KDM5A: variants seen among roughly 807,000 people sequenced by gnomAD.
The protein encoded by KDM5A is lysine-specific demethylase 5A.
A neutral mutation model predicts 193.5 loss-of-function variants in KDM5A; 42 were observed. The ratio of observed to expected loss-of-function variants is 0.22; its 90% CI spans 0.17 to 0.28. KDM5A has a LOEUF of 0.28. Among genes scored for constraint, KDM5A ranks in the 10% least tolerant of loss-of-function variants. The pLI, the probability that KDM5A is intolerant of heterozygous loss-of-function variation, is 1.00. For synonymous variants in KDM5A, 796 were observed against 718.1 expected (o/e 1.11, Z -1.73); for missense variants, 1,692 against 2,055.1 (o/e 0.82, Z 3.42).
intron 10 of KDM5A, among the ~76,000 whole-genome samples, chr12:349,251 T>G (rs370537174): frequency 1.3e-5 from 2 of 151,778 alleles, no homozygotes; most frequent in African/African-American, 2.4e-5. Context: ...AAATCCTGAC[T>G]TCAGGTGATC....
chr12:305,756 C>A (rs766549950), intron 24 of KDM5A, among the ~76,000 whole-genome samples: 1 of 152,312 alleles, frequency 6.6e-6, no homozygotes, highest in South Asian at 2.1e-4. Flanking sequence ...GGATCCAACA[C>A]AAAACAAACT....
In KDM5A at chr12:307,214, T is replaced by G. The variant is rs1943518670; in HGVS notation, c.3931-125A>C. ...GTGGCTAACAGAGTTCTTCAACAGTTAGTAGAAATCAAATTATTTGATTAT... is the reference window on the plus strand; with the variant it reads ...GTGGCTAACAGAGTTCTTCAACAGTGAGTAGAAATCAAATTATTTGATTAT... On this transcript the variant is annotated intron_variant, in intron 23 of 27. Transcript: ENST00000399788. The surrounding 1 kb of genome is among the most constrained non-coding windows in gnomAD (Gnocchi z 4.3). 3 of 1,167,500 alleles carry G rather than the reference T, an allele frequency of 2.6e-6. No homozygotes were observed. Among genetic ancestry groups the G allele is most frequent in the Admixed American group, 1.9e-5 (1 of 52,930 alleles). 72.3% of individuals were successfully genotyped at this position (1,167,500 alleles called of 1,614,324 possible). A position where few individuals can be genotyped will look rare whatever the true frequency, so the allele number is the denominator to read the frequency against.
At chr12:358,430 G>A (rs887261449) in intron 5 of KDM5A, among the ~76,000 whole-genome samples, 23 of 152,000 alleles carry the variant, frequency 1.5e-4, no homozygotes, top group Admixed American at 4.6e-4. Context: ...ACTGTTAGTC[G>A]AACAATAAAT....
intron 21 of KDM5A, 98 bp from the exon 22 acceptor site, chr12:310,062 C>T (rs1479600871): frequency 6.3e-6 from 8 of 1,279,132 alleles, no homozygotes; most frequent in Non-Finnish European, 8.8e-6. Flanking sequence ...CAACCATGTC[C>T]CACGCACTTT....
intron 5 of KDM5A, among the ~76,000 whole-genome samples, chr12:359,957 T>C (rs1437705727): frequency 2.0e-5 from 3 of 151,750 alleles, no homozygotes; most frequent in Non-Finnish European, 2.9e-5. Flanking sequence ...CATGTATACA[T>C]ACACACACCC....
Position 377,035 on chromosome 12 carries a change from A to G in KDM5A, c.366+6996T>C, listed in dbSNP as rs571875939. 4.7e-3 allele frequency among the ~76,000 whole-genome samples: 140 copies of G among 29,968 alleles called. 4 individuals are homozygous for G. The South Asian group carries it at 0.047, about 10-fold the overall frequency. The allele number at this position is 29,968 out of a possible 152,430, so 19.7% of individuals were successfully genotyped here. On this transcript the variant is annotated intron_variant, in intron 3 of 27. Coordinates refer to ENST00000399788, the MANE Select transcript of KDM5A (RefSeq NM_001042603.3). ...CCTTCCTCCCTTTTCTAAAACAAGG[A>G]AAAAAAAAAAGTCTTAAGAAGTAGC...
chr12:310,054 A>G, intron 21 of KDM5A, 90 bp from the exon 22 acceptor site: 3 of 1,339,082 alleles, frequency 2.2e-6, no homozygotes, highest in African/African-American at 1.5e-5. Context: ...TGACTGTTCA[A>G]CCATGTCCCA....
At chr12:294,768 T>C (rs1421822982) in intron 26 of KDM5A, among the ~76,000 whole-genome samples, 1 of 152,156 alleles carries the variant, frequency 6.6e-6, no homozygotes, top group Non-Finnish European at 1.5e-5. Flanking sequence ...AATCCAGATC[T>C]CTTTATTTTT....
chr12:309,832 A>G lies in KDM5A; in HGVS notation c.3349T>C (p.Leu1117=). ...LEPLSDLEEG[L]EETRDTAMVV... ...ATGGCTGTATCTCTGGTTTCCTCCA[A>G]TCCTTCCTCCAGATCACTCAGAGGC... Residue 1117 remains leucine, a synonymous_variant, in exon 22 of 28, where the codon TTG becomes CTG. Coordinates refer to ENST00000399788, the MANE Select transcript of KDM5A (RefSeq NM_001042603.3). The G allele has an allele frequency of 6.2e-7, 1 of 1,614,014 alleles. No individual in the cohort carries two copies. Among genetic ancestry groups the G allele is most frequent in the South Asian group, 1.1e-5 (1 of 91,070 alleles).
intron 3 of KDM5A, among the ~76,000 whole-genome samples, chr12:380,358 T>C (rs182219647): frequency 5.3e-5 from 8 of 152,178 alleles, no homozygotes; most frequent in Admixed American, 5.2e-4. Flanking sequence ...TTTCAATAGA[T>C]TACTACTCAT....
intron 13 of KDM5A, among the ~76,000 whole-genome samples, chr12:331,077 T>A (rs1943860293): frequency 2.7e-5 from 4 of 147,560 alleles, no homozygotes; most frequent in African/African-American, 7.3e-5. Context: ...CTTTTAAAAT[T>A]AAAAAAAGGA....
chr12:341,933 GA>G (rs3216509), intron 10 of KDM5A, among the ~76,000 whole-genome samples: 17 of 150,116 alleles, frequency 1.1e-4, no homozygotes, highest in African/African-American at 3.9e-4. Flanking sequence ...GAAATGGGGG[GA>G]AAAAAAGACA....
At chr12:310,566 G>A (rs1225037250) in intron 21 of KDM5A, among the ~76,000 whole-genome samples, 4 of 152,090 alleles carry the variant, frequency 2.6e-5, no homozygotes, top group African/African-American at 7.2e-5. Flanking sequence ...CCCAGGAGGC[G>A]ACAGCTGCAG....
At chr12:375,662 T>C (rs1245864199) in intron 3 of KDM5A, among the ~76,000 whole-genome samples, 1 of 152,194 alleles carries the variant, frequency 6.6e-6, no homozygotes, top group Non-Finnish European at 1.5e-5. Context: ...TGCTCTGATT[T>C]TTCTAATTTT....
rs748233005 is a variant in KDM5A at position 389,177 on chromosome 12, C to G, written c.-86G>C. On this transcript the variant is annotated 5_prime_UTR_variant, in exon 1 of 28. Coordinates refer to ENST00000399788, the MANE Select transcript of KDM5A (RefSeq NM_001042603.3). The stretch of plus-strand genomic sequence containing the variant: ...AGCCCACTAAGCCCGTTCAAGTCCC[C>G]TGACAGAGGCCGAAGCGCATCTTCG... The G allele has an allele frequency of 7.9e-7, 1 of 1,267,040 alleles. No individual in the cohort carries two copies. Among genetic ancestry groups the G allele is most frequent in the South Asian group, 1.2e-5 (1 of 84,512 alleles). The allele number at this position is 1,267,040 out of a possible 1,614,324, so 78.5% of individuals were successfully genotyped here.
At chr12:366,294 A>G (rs1041729908) in intron 3 of KDM5A, among the ~76,000 whole-genome samples, 190 bp from the exon 4 acceptor site, 3 of 152,248 alleles carry the variant, frequency 2.0e-5, no homozygotes, top group African/African-American at 4.8e-5. Flanking sequence ...TCAGAGGTTT[A>G]AAATGTAATT....
At chr12:324,800 G>C (rs747323754) in intron 14 of KDM5A, among the ~76,000 whole-genome samples, 3 of 152,076 alleles carry the variant, frequency 2.0e-5, no homozygotes, top group Non-Finnish European at 2.9e-5. Context: ...TTGAGCCCGG[G>C]GGGTGAAGGT....
At chr12:376,656 C>G (rs79848173) in intron 3 of KDM5A, among the ~76,000 whole-genome samples, 1 of 152,186 alleles carries the variant, frequency 6.6e-6, no homozygotes, top group African/African-American at 2.4e-5. Flanking sequence ...AGAAATCACC[C>G]GTCTTCTGCG....
intron 8 of KDM5A, 120 bp from the exon 9 acceptor site, chr12:352,444 G>C: frequency 1.2e-6 from 1 of 865,668 alleles, no homozygotes; most frequent in Non-Finnish European, 1.9e-6. Flanking sequence ...GTCAACCCTA[G>C]ACAACAAAAC....
Sources: allele counts gnomAD v4.1 joint callset (sites outside exome capture counted in the v4.1 genomes callset), GRCh38; gene constraint gnomAD v4.1.1; non-coding constraint Gnocchi (gnomAD v3.1); transcripts MANE v1.5; gene names NCBI Gene and HGNC (gene_info 2026-07-23, HGNC 2026-07-21).